The following ZGRF1 variants were observed in gnomAD, a reference collection of about 807,000 sequenced individuals.
The protein encoded by ZGRF1 is zinc finger GRF-type containing 1, also known as 5'-3' DNA helicase ZGRF1.
In ZGRF1, 196 loss-of-function variants were observed where a neutral mutation model predicts 203.5. The observed-to-expected ratio is 0.96, with a 90% CI of 0.86 to 1.08. The LOEUF (loss-of-function observed/expected upper bound fraction) is 1.08, where lower values mean the gene tolerates loss of function less well. Among genes scored for constraint, ZGRF1 ranks in the 50% least tolerant of loss-of-function variants. ZGRF1 has a pLI of 0.00. For missense variants in ZGRF1, 2,326 were observed against 2,416.3 expected (o/e 0.96, Z 0.78); for synonymous variants, 809 against 841.3 (o/e 0.96, Z 0.66).
chr4:112,622,139 C>T (rs978905836), intron 4 of ZGRF1, among the ~76,000 whole-genome samples: 1 of 152,164 alleles, frequency 6.6e-6, no homozygotes, highest in African/African-American at 2.4e-5. Context: ...ATAACCACTA[C>T]TGATGTCATG....
At chr4:112,627,099 C>A (rs1401522705) in intron 3 of ZGRF1, among the ~76,000 whole-genome samples, 1 of 152,200 alleles carries the variant, frequency 6.6e-6, no homozygotes, top group African/African-American at 2.4e-5. Context: ...GCATGAGCCA[C>A]CGCGCCCAGC....
At chr4:112,551,412 G>A (rs1233197008) in intron 22 of ZGRF1, among the ~76,000 whole-genome samples, 1 of 152,152 alleles carries the variant, frequency 6.6e-6, no homozygotes, top group Non-Finnish European at 1.5e-5. Context: ...GATAGCAAGG[G>A]CAGTTCATAC....
At chr4:112,634,755 G>GTATGCAAATGAGA in intron 1 of ZGRF1, among the ~76,000 whole-genome samples, 1 of 152,294 alleles carries the variant, frequency 6.6e-6, no homozygotes, top group Non-Finnish European at 1.5e-5. Context: ...TAGGTAAGGG[G>GTATGCAAATGAGA]TATGCAAATG....
At chr4:112,609,123 G>A (rs1187193369) in intron 8 of ZGRF1, among the ~76,000 whole-genome samples, 1 of 150,788 alleles carries the variant, frequency 6.6e-6, no homozygotes, top group Non-Finnish European at 1.5e-5. Flanking sequence ...GCGTTATCTC[G>A]GCTCACTGCA....
chr4:112,609,038 A>G (rs1751187016), intron 8 of ZGRF1, among the ~76,000 whole-genome samples: 1 of 152,052 alleles, frequency 6.6e-6, no homozygotes, highest in Admixed American at 6.6e-5. Flanking sequence ...ATACCTCTAT[A>G]TACAAATATA....
At chr4:112,573,591 C>T (rs920902478) in intron 16 of ZGRF1, among the ~76,000 whole-genome samples, 6 of 151,714 alleles carry the variant, frequency 4.0e-5, no homozygotes, top group Non-Finnish European at 5.9e-5. Flanking sequence ...AAAACCAAAC[C>T]GTAAAACATT....
chr4:112,541,869 A>C (rs1737691272), intron 24 of ZGRF1, among the ~76,000 whole-genome samples: 1 of 152,176 alleles, frequency 6.6e-6, no homozygotes, highest in Non-Finnish European at 1.5e-5. Context: ...GTCTAACACT[A>C]AATTGAAAAG....
At chr4:112,595,866 C>T (rs998708247) in intron 10 of ZGRF1, among the ~76,000 whole-genome samples, 2 of 152,104 alleles carry the variant, frequency 1.3e-5, no homozygotes, top group Non-Finnish European at 1.5e-5. Context: ...TTTCTTAGTG[C>T]TGTATAACAA....
chr4:112,581,193 C>A (rs1294848817), intron 16 of ZGRF1, among the ~76,000 whole-genome samples: 1 of 149,140 alleles, frequency 6.7e-6, no homozygotes, highest in East Asian at 2.0e-4. Flanking sequence ...AAACCAAACA[C>A]CGCATGTTCT....
At chr4:112,565,387 G>A in intron 16 of ZGRF1, 1 of 864,330 alleles carries the variant, frequency 1.2e-6, no homozygotes, top group South Asian at 1.3e-5. Context: ...CATACGTTGA[G>A]AATGTGCTTT....
intron 6 of ZGRF1, among the ~76,000 whole-genome samples, chr4:112,616,416 TG>T (rs2046871932): frequency 6.7e-6 from 1 of 149,092 alleles, no homozygotes; most frequent in Non-Finnish European, 1.5e-5. Flanking sequence ...TTCCAGCTAC[TG>T]GGGAGGCTGA....
intron 24 of ZGRF1, among the ~76,000 whole-genome samples, chr4:112,541,781 C>A (rs1420220686): frequency 6.6e-6 from 1 of 151,826 alleles, no homozygotes; most frequent in Non-Finnish European, 1.5e-5. Flanking sequence ...CCTGCCTTGG[C>A]CTCCCAAAGT....
chr4:112,540,969 T>G lies in ZGRF1; in HGVS notation c.5776-14A>C, dbSNP rs1481010799. On this transcript the variant is annotated splice_polypyrimidine_tract_variant and intron_variant, in intron 25 of 27. Transcript: ENST00000505019. ...ATCTCTTTCTATCTGGAGTAAGAAA[T>G]AGATCCTAAATTATATTTCCCAGAA... 1.9e-6 allele frequency: 3 copies of G among 1,560,608 alleles called. No homozygotes were observed. The highest frequency in any genetic ancestry group is 2.6e-6 in the Non-Finnish European group (3 of 1,150,634).
At chr4:112,616,188 T>C (rs1204467158) in intron 6 of ZGRF1, among the ~76,000 whole-genome samples, 1 of 152,106 alleles carries the variant, frequency 6.6e-6, no homozygotes, top group African/African-American at 2.4e-5. Flanking sequence ...ATACTGATAC[T>C]GGGAGCCAGG....
At chr4:112,579,468 G>A (rs1745822256) in intron 16 of ZGRF1, among the ~76,000 whole-genome samples, 1 of 122,388 alleles carries the variant, frequency 8.2e-6, no homozygotes, top group African/African-American at 2.8e-5. Context: ...ATTAGGAAAA[G>A]AGGAAGTTAA....
chr4:112,567,758 G>C (rs534488484), intron 16 of ZGRF1, among the ~76,000 whole-genome samples: 1 of 152,056 alleles, frequency 6.6e-6, no homozygotes, highest in Admixed American at 6.6e-5. Context: ...AGACCCCATG[G>C]CTACAAAAAA....
At chr4:112,606,535 C>T (rs545356956) in intron 8 of ZGRF1, among the ~76,000 whole-genome samples, 13 of 152,112 alleles carry the variant, frequency 8.5e-5, no homozygotes, top group Non-Finnish European at 1.5e-5. Flanking sequence ...GTGGCACATG[C>T]CTGTAATCCC....
intron 3 of ZGRF1, among the ~76,000 whole-genome samples, chr4:112,629,107 G>A (rs1004459376): frequency 4.6e-5 from 7 of 152,136 alleles, no homozygotes; most frequent in Non-Finnish European, 1.0e-4. Flanking sequence ...CTTGGTGATG[G>A]TGTTCAAGTT....
intron 1 of ZGRF1, 48 bp downstream of exon 1, chr4:112,636,803 A>T (rs1481445619): frequency 6.6e-6 from 1 of 152,124 alleles, no homozygotes; most frequent in Non-Finnish European, 1.5e-5. Flanking sequence ...CTTCGCCCCA[A>T]ATCGCTCAAG....
Sources: gnomAD v4.1 joint callset for allele counts (sites outside exome capture counted in the v4.1 genomes callset) on GRCh38, gnomAD v4.1.1 for gene constraint, MANE v1.5 for transcripts, NCBI Gene and HGNC (gene_info 2026-07-23, HGNC 2026-07-21) for gene names.